Variants in FRMPD1 observed in about 807,000 individuals in gnomAD.
FRMPD1 encodes FERM and PDZ domain-containing protein 1.
Under a neutral mutation model 117.8 loss-of-function variants are expected in FRMPD1, and 76 were observed. The observed-to-expected ratio is 0.65, with a 90% CI of 0.54 to 0.78. FRMPD1 has a LOEUF of 0.78. Among genes scored for constraint, FRMPD1 ranks in the 30% least tolerant of loss-of-function variants. The pLI, the probability that FRMPD1 is intolerant of heterozygous loss-of-function variation, is 0.00. For synonymous variants in FRMPD1, 783 were observed against 770.4 expected (o/e 1.02, Z -0.27); for missense variants, 1,786 against 1,964.5 (o/e 0.91, Z 1.72).
intron 4 of FRMPD1, among the ~76,000 whole-genome samples, chr9:37,709,180 G>A (rs1407780973): frequency 6.6e-6 from 1 of 152,066 alleles, no homozygotes; most frequent in Non-Finnish European, 1.5e-5. Flanking sequence ...AAGGGCACAT[G>A]AAGCTTTGGC....
At chr9:37,709,343 A>G (rs1221135164) in intron 4 of FRMPD1, among the ~76,000 whole-genome samples, 1 of 127,230 alleles carries the variant, frequency 7.9e-6, no homozygotes, top group Admixed American at 9.0e-5. Context: ...TTGGGGTGGT[A>G]TTAATTGTTT....
In FRMPD1 at chr9:37,744,976, G is replaced by T. The variant is rs1374034420; in HGVS notation, c.2944G>T (p.Ala982Ser). Reference sequence around the variant, plus strand: ...CCCAGGTTCATCTGGCCCAGATACTGCTCAGGCAAGGCCTTCCCAAATCTT... The same window carrying T: ...CCCAGGTTCATCTGGCCCAGATACTTCTCAGGCAAGGCCTTCCCAAATCTT... ...SNPGSSGPDT[A>S]QARPSQILPL... Residue 982 changes from alanine (A) to serine (S), a missense_variant, in exon 16 of 16, where the codon GCT (alanine) becomes TCT (serine). Coordinates refer to ENST00000377765, the MANE Select transcript of FRMPD1 (RefSeq NM_014907.3). 6.2e-7 allele frequency: 1 copy of T among 1,614,160 alleles called. No homozygotes were observed. The highest frequency in any genetic ancestry group is 1.7e-5 in the Admixed American group (1 of 60,028).
At chr9:37,699,005 CTGGGA>C (rs1822435220) in intron 2 of FRMPD1, among the ~76,000 whole-genome samples, 1 of 151,976 alleles carries the variant, frequency 6.6e-6, no homozygotes, top group Non-Finnish European at 1.5e-5. Context: ...TCCCAAAGTG[CTGGGA>C]TTACAGGTGT....
intron 15 of FRMPD1, among the ~76,000 whole-genome samples, chr9:37,742,087 CTG>C (rs1403530885): frequency 6.6e-6 from 1 of 152,214 alleles, no homozygotes. Flanking sequence ...AGCGTTAGAA[CTG>C]TGTGTTTCTC....
the FRMPD1 span, among the ~76,000 whole-genome samples, chr9:37,645,917 A>C: frequency 6.6e-6 from 1 of 152,218 alleles, no homozygotes; most frequent in South Asian, 2.1e-4. Context: ...GGCTCAGGGA[A>C]CATTGGTTGT....
intron 1 of FRMPD1, among the ~76,000 whole-genome samples, chr9:37,660,670 G>A (rs1820975128): frequency 1.3e-5 from 2 of 152,210 alleles, no homozygotes; most frequent in Admixed American, 1.3e-4. Flanking sequence ...AAAATATGAT[G>A]CTTTATCTGG....
chr9:37,690,934 C>T lies in FRMPD1; in HGVS notation c.-4-1704C>T, dbSNP rs540743087. On this transcript the variant is annotated intron_variant, in intron 1 of 15. Coordinates refer to ENST00000377765, the MANE Select transcript of FRMPD1 (RefSeq NM_014907.3). ...TTATCCTTTTATCAGGAACTCACAC[C>T]CACAGTAATGGCATTAATTCATTCA... 4.7e-4 allele frequency among the ~76,000 whole-genome samples: 71 copies of T among 152,172 alleles called. 1 individual carries two copies. The highest frequency in any genetic ancestry group is 6.8e-3 in the Middle Eastern group (2 of 294).
chr9:37,642,234 C>G, the FRMPD1 span, among the ~76,000 whole-genome samples: 1 of 152,150 alleles, frequency 6.6e-6, no homozygotes, highest in Non-Finnish European at 1.5e-5. Flanking sequence ...TGTAGAGTCT[C>G]TTTGTCTGCA....
At position 37,740,426 on chromosome 9, in the gene FRMPD1, C is replaced by T. The variant is rs1380086448; in HGVS notation, c.1898C>T (p.Pro633Leu). 2.5e-6 allele frequency: 4 copies of T among 1,614,016 alleles called. No individual in the cohort carries two copies. The highest frequency in any genetic ancestry group is 8.5e-7 in the Non-Finnish European group (1 of 1,180,020). ...SRSTFFHFGSPGLAESIDSDS... is the reference protein window; with the variant it reads ...SRSTFFHFGSLGLAESIDSDS... Reference sequence around the variant, plus strand: ...TCCACCTTCTTCCACTTTGGCTCGCCAGGCCTCGCAGAGAGCATTGACTCT... The same window carrying T: ...TCCACCTTCTTCCACTTTGGCTCGCTAGGCCTCGCAGAGAGCATTGACTCT... The change falls in exon 15 of 16, where the codon CCA becomes CTA. Residue 633 changes from proline (P) to leucine (L), a missense_variant. Coordinates refer to ENST00000377765, the MANE Select transcript of FRMPD1 (RefSeq NM_014907.3). This position sits in a 1 kb window ranked among gnomAD's most constrained non-coding sequence, Gnocchi z 4.2.
intron 5 of FRMPD1, among the ~76,000 whole-genome samples, chr9:37,715,933 G>A (rs1437787825): frequency 6.6e-6 from 1 of 152,176 alleles, no homozygotes; most frequent in Non-Finnish European, 1.5e-5. Context: ...CAACGATTTG[G>A]AAGAGTGACC....
chr9:37,698,388 T>C (rs1822403048), intron 2 of FRMPD1, among the ~76,000 whole-genome samples: 1 of 152,126 alleles, frequency 6.6e-6, no homozygotes. Flanking sequence ...GATTCATTCT[T>C]TACTGACCCC....
At chr9:37,712,724 A>G (rs1822957728) in intron 5 of FRMPD1, among the ~76,000 whole-genome samples, 1 of 152,222 alleles carries the variant, frequency 6.6e-6, no homozygotes, top group Non-Finnish European at 1.5e-5. Flanking sequence ...CATGGCCTTG[A>G]GTGTTTTTAT....
chr9:37,725,411 A>G (rs1270748396), intron 7 of FRMPD1, among the ~76,000 whole-genome samples: 1 of 152,228 alleles, frequency 6.6e-6, no homozygotes, highest in Non-Finnish European at 1.5e-5. Context: ...GCCAAGACAC[A>G]CATGCACACA....
At chr9:37,649,922 C>T (rs1588897862), upstream of FRMPD1, among the ~76,000 whole-genome samples, 5 of 152,326 alleles carry the variant, frequency 3.3e-5, no homozygotes, top group East Asian at 7.7e-4. Flanking sequence ...GCTCTCTCCA[C>T]ACTCCTCCCT....
upstream of FRMPD1, among the ~76,000 whole-genome samples, chr9:37,649,878 T>TG (rs563810746): frequency 2.6e-5 from 4 of 152,284 alleles, no homozygotes; most frequent in African/African-American, 7.2e-5. Context: ...TCTCTCATCT[T>TG]GGGGTCTTTG....
Position 37,744,632 on chromosome 9 carries a change from GCTA to G in FRMPD1, c.2604_2606del (p.Tyr869del). On this transcript the variant is annotated inframe_deletion, in exon 16 of 16. Transcript: ENST00000377765. ...TCCCTGGAGAGTGTAGACGACGTGT[GCTA>G]CTATGACAGGGAGCCCTACCTGGCC... 6.2e-7 allele frequency: 1 copy of G among 1,613,986 alleles called. No homozygotes were observed. Among genetic ancestry groups the G allele is most frequent in the Non-Finnish European group, 8.5e-7 (1 of 1,179,916 alleles).
intron 1 of FRMPD1, among the ~76,000 whole-genome samples, chr9:37,655,946 C>T (rs899927386): frequency 1.3e-5 from 2 of 152,170 alleles, no homozygotes; most frequent in African/African-American, 4.8e-5. Context: ...AGGAAGCTGT[C>T]TTCCAGATCC....
At chr9:37,603,393 G>T in the FRMPD1 span, among the ~76,000 whole-genome samples, 1 of 152,098 alleles carries the variant, frequency 6.6e-6, no homozygotes, top group Non-Finnish European at 1.5e-5. Context: ...GGGTTAGCAG[G>T]CACCATGAGC....
chr9:37,741,542 G>A (rs912363827), intron 15 of FRMPD1, among the ~76,000 whole-genome samples: 1 of 152,026 alleles, frequency 6.6e-6, no homozygotes, highest in Non-Finnish European at 1.5e-5. Context: ...TGTTGAAGGT[G>A]ACCTGCCAGG....
Sources: gnomAD v4.1 joint callset for allele counts (sites outside exome capture counted in the v4.1 genomes callset) on GRCh38, gnomAD v4.1.1 for gene constraint, Gnocchi (gnomAD v3.1) non-coding constraint, MANE v1.5 for transcripts, NCBI Gene and HGNC (gene_info 2026-07-23, HGNC 2026-07-21) for gene names.